WDR49: variants seen among roughly 807,000 people sequenced by gnomAD.
WDR49 encodes the protein cilia- and flagella-associated protein 337.
WDR49 carries 107 observed loss-of-function variants against 119.5 expected under a neutral mutation model. That is an observed-to-expected ratio of 0.90 (90% confidence interval 0.77 to 1.05). The LOEUF (loss-of-function observed/expected upper bound fraction) is 1.05, where lower values mean the gene tolerates loss of function less well. Among genes scored for constraint, WDR49 ranks in the 50% least tolerant of loss-of-function variants. The pLI, the probability that WDR49 is intolerant of heterozygous loss-of-function variation, is 0.00. For missense variants in WDR49, 1,240 were observed against 1,220.5 expected, an observed-to-expected ratio of 1.02 and a Z score of -0.24; for synonymous variants, 425 against 418.8, an observed-to-expected ratio of 1.01 and a Z score of -0.18.
chr3:167,647,970 T>C (rs1476690984), intron 2 of WDR49, among the ~76,000 whole-genome samples: 1 of 152,190 alleles, frequency 6.6e-6, no homozygotes, highest in Non-Finnish European at 1.5e-5. Context: ...TAACTTAACA[T>C]GCATTTTGTT....
intron 16 of WDR49, among the ~76,000 whole-genome samples, chr3:167,521,602 C>T (rs780536164): frequency 6.6e-6 from 1 of 152,138 alleles, no homozygotes; most frequent in Non-Finnish European, 1.5e-5. Context: ...TCTTTTCTCA[C>T]ATTGAACAAA....
At chr3:167,505,460 G>A (rs1044849415) in intron 16 of WDR49, 44 bp from the exon 17 acceptor site, 1 of 1,458,858 alleles carries the variant, frequency 6.9e-7, no homozygotes. Flanking sequence ...TTAACCACAG[G>A]GATGGAGAAA....
intron 5 of WDR49, among the ~76,000 whole-genome samples, chr3:167,611,844 T>C (rs1716354131): frequency 6.6e-6 from 1 of 152,098 alleles, no homozygotes; most frequent in Non-Finnish European, 1.5e-5. Flanking sequence ...ATAAGGTAAA[T>C]ATTATTAGAA....
At chr3:167,646,370 T>A (rs1718129936) in intron 2 of WDR49, among the ~76,000 whole-genome samples, 1 of 152,178 alleles carries the variant, frequency 6.6e-6, no homozygotes, top group Non-Finnish European at 1.5e-5. Flanking sequence ...CAGTTTGGCC[T>A]CTGGGTTCTA....
chr3:167,541,672 G>A (rs1274043684), intron 10 of WDR49, among the ~76,000 whole-genome samples: 1 of 151,966 alleles, frequency 6.6e-6, no homozygotes, highest in African/African-American at 2.4e-5. Flanking sequence ...GCAAAAACTA[G>A]CACAATAAAT....
chr3:167,530,094 T>A (rs1752790978), intron 13 of WDR49, among the ~76,000 whole-genome samples: 1 of 152,064 alleles, frequency 6.6e-6, no homozygotes, highest in African/African-American at 2.4e-5. Context: ...ATAAGCAAGT[T>A]CTAGAAAATG....
chr3:167,604,234 T>C, intron 6 of WDR49, 67 bp downstream of exon 6: 1 of 1,559,936 alleles, frequency 6.4e-7, no homozygotes, highest in Non-Finnish European at 8.7e-7. Flanking sequence ...AAAGGCTCCA[T>C]GCATACAAAT....
At chr3:167,555,875 A>T (rs1354119359) in intron 9 of WDR49, among the ~76,000 whole-genome samples, 1 of 152,214 alleles carries the variant, frequency 6.6e-6, no homozygotes, top group Non-Finnish European at 1.5e-5. Context: ...GTACTTATAC[A>T]AACCTAAATG....
Position 167,478,951 on chromosome 3 carries a change from AT to A in WDR49, c.3076del (p.Ile1026PhefsTer19). 2.5e-6 allele frequency: 4 copies of A among 1,609,362 alleles called. No individual in the cohort carries two copies. The African/African-American group carries it at 5.3e-5, about 21-fold the overall frequency. ...FDEKNLFPKE[I>X]LHHERKAKQL... The stretch of plus-strand genomic sequence containing the variant: ...CTTGGCTTTTCGTTCATGATGCAGA[AT>A]TTCCTTGGGAAACAGGTTTTTCTCA... On this transcript the variant is annotated frameshift_variant, in exon 19 of 19. Coordinates refer to ENST00000682715, the MANE Select transcript of WDR49 (RefSeq NM_001366157.1). LOFTEE classifies it high-confidence loss of function.
chr3:167,482,434 C>T (rs1750749344), intron 18 of WDR49, among the ~76,000 whole-genome samples: 1 of 151,704 alleles, frequency 6.6e-6, no homozygotes, highest in Admixed American at 6.6e-5. Context: ...CTTTGGGAGG[C>T]CGAGGCGGGC....
intron 17 of WDR49, among the ~76,000 whole-genome samples, chr3:167,501,074 G>C (rs1236024696): frequency 1.3e-5 from 2 of 152,188 alleles, no homozygotes; most frequent in Non-Finnish European, 2.9e-5. Context: ...CTAAAACATA[G>C]ACTGCTATGT....
chr3:167,479,051 T>C, intron 18 of WDR49, 55 bp from the exon 19 acceptor site: 11 of 1,284,416 alleles, frequency 8.6e-6, no homozygotes, highest in Non-Finnish European at 1.2e-5. Context: ...GAGACCTATT[T>C]AAATGAAATA....
chr3:167,525,870 A>AC (rs1553862836), intron 15 of WDR49, among the ~76,000 whole-genome samples: 2 of 147,956 alleles, frequency 1.4e-5, no homozygotes, highest in African/African-American at 5.0e-5. Context: ...ACAAAAAAAA[A>AC]CTTCCCTTTT....
At chr3:167,578,501 A>C (rs1714367716) in intron 7 of WDR49, among the ~76,000 whole-genome samples, 1 of 152,064 alleles carries the variant, frequency 6.6e-6, no homozygotes, top group Non-Finnish European at 1.5e-5. Flanking sequence ...CTAGTGACTC[A>C]GAAAGAAGAA....
chr3:167,483,096 T>C (rs1317992322), intron 18 of WDR49, among the ~76,000 whole-genome samples: 4 of 152,140 alleles, frequency 2.6e-5, no homozygotes, highest in Non-Finnish European at 5.9e-5. Flanking sequence ...CTTAGAGAAA[T>C]GAAGAACTAG....
intron 16 of WDR49, among the ~76,000 whole-genome samples, chr3:167,519,257 T>G (rs1183060245): frequency 6.6e-6 from 1 of 152,108 alleles, no homozygotes; most frequent in Non-Finnish European, 1.5e-5. Context: ...GTATTTAAAC[T>G]ACCATTTGAC....
intron 2 of WDR49, among the ~76,000 whole-genome samples, chr3:167,651,276 G>T (rs1327510529): frequency 6.6e-6 from 1 of 152,178 alleles, no homozygotes; most frequent in Non-Finnish European, 1.5e-5. Flanking sequence ...TCTGGTGCCA[G>T]AATCTTGACA....
intron 16 of WDR49, among the ~76,000 whole-genome samples, chr3:167,519,729 T>C (rs749975597): frequency 7.9e-5 from 12 of 151,982 alleles, no homozygotes; most frequent in Non-Finnish European, 1.8e-4. Flanking sequence ...GCAGCAAACC[T>C]CCATGGCATA....
intron 5 of WDR49, among the ~76,000 whole-genome samples, chr3:167,608,651 TAA>T (rs1716179257): frequency 6.6e-6 from 1 of 152,136 alleles, no homozygotes. Context: ...AATTATCTGA[TAA>T]ATAAAAATGT....
Sources: gnomAD v4.1 joint callset for allele counts (sites outside exome capture counted in the v4.1 genomes callset) on GRCh38, gnomAD v4.1.1 for gene constraint, MANE v1.5 for transcripts, NCBI Gene and HGNC (gene_info 2026-07-23, HGNC 2026-07-21) for gene names.